SLC37A1: variants seen among roughly 807,000 people sequenced by gnomAD.
The protein encoded by SLC37A1 is glucose-6-phosphate exchanger SLC37A1.
Under a neutral mutation model 75.3 loss-of-function variants are expected in SLC37A1, and 49 were observed. The observed-to-expected ratio is 0.65, with a 90% CI of 0.52 to 0.83. The LOEUF is 0.83. SLC37A1 is among the 40% of genes least tolerant of loss of function. SLC37A1 has a pLI of 0.00. For missense variants in SLC37A1, 566 were observed against 695.0 expected (o/e 0.81, Z 2.09); for synonymous variants, 268 against 292.1 (o/e 0.92, Z 0.84).
At chr21:42,578,347 T>C (rs992510979) in intron 18 of SLC37A1, among the ~76,000 whole-genome samples, 6 of 152,256 alleles carry the variant, frequency 3.9e-5, no homozygotes, top group Non-Finnish European at 7.3e-5. Flanking sequence ...GTTTTGAAAT[T>C]GGATCTCTGT....
intron 2 of SLC37A1, among the ~76,000 whole-genome samples, chr21:42,520,084 T>C (rs941910086): frequency 2.0e-5 from 3 of 152,174 alleles, no homozygotes; most frequent in African/African-American, 7.2e-5. Context: ...CTTCCGTGTG[T>C]ATTTCCTATG....
At chr21:42,570,521 C>T (rs552057048) in intron 17 of SLC37A1, among the ~76,000 whole-genome samples, 6 of 152,152 alleles carry the variant, frequency 3.9e-5, no homozygotes, top group Non-Finnish European at 5.9e-5. Context: ...CGGGGGACTG[C>T]GGGGCTGAGC....
chr21:42,573,619 AC>A (rs1177128885), intron 17 of SLC37A1, among the ~76,000 whole-genome samples: 1 of 152,078 alleles, frequency 6.6e-6, no homozygotes, highest in Non-Finnish European at 1.5e-5. Flanking sequence ...AAAAAAAAAA[AC>A]ATACAATTGC....
upstream of SLC37A1, among the ~76,000 whole-genome samples, chr21:42,509,087 A>C (rs2054411007): frequency 6.6e-6 from 1 of 152,210 alleles, no homozygotes; most frequent in South Asian, 2.1e-4. The surrounding 1 kb of genome is among the most constrained non-coding windows in gnomAD (Gnocchi z 4.2). Context: ...AATGATACTA[A>C]AGGTATATAA....
At chr21:42,550,965 G>A (rs1243458651) in intron 9 of SLC37A1, among the ~76,000 whole-genome samples, 2 of 152,234 alleles carry the variant, frequency 1.3e-5, no homozygotes, top group African/African-American at 2.4e-5. Flanking sequence ...ACCTCACAGT[G>A]TGCTTAATGG....
At chr21:42,554,449 G>A (rs61545771) in intron 10 of SLC37A1, among the ~76,000 whole-genome samples, 6,925 of 152,214 alleles carry the variant, frequency 0.045, 522 homozygotes, top group African/African-American at 0.16. Flanking sequence ...TCCCCCAAGC[G>A]GTGCCAAGCG....
rs2055586561 is a variant in SLC37A1, at chr21:42,552,683, G to T, written c.769-1379G>T. Among the ~76,000 whole-genome samples, 1 of 152,196 alleles carries T rather than the reference G, an allele frequency of 6.6e-6. No individual in the cohort carries two copies. Among genetic ancestry groups the T allele is most frequent in the Non-Finnish European group, 1.5e-5 (1 of 68,008 alleles). ...TAGGGACAGGCCCCTTCCCTTTCAG[G>T]AGACTTCCTAGCATTTCCTAACATC... On this transcript the variant is annotated intron_variant, in intron 9 of 19. Transcript: ENST00000352133. This position sits in a 1 kb window ranked among gnomAD's most constrained non-coding sequence, Gnocchi z 4.2.
chr21:42,519,229 C>T (rs1256895364), intron 2 of SLC37A1, among the ~76,000 whole-genome samples: 2 of 152,162 alleles, frequency 1.3e-5, no homozygotes, highest in Admixed American at 6.5e-5. Flanking sequence ...AGAAAAGTGT[C>T]CCTCAAAGGG....
chr21:42,509,589 G>A (rs1408218934), upstream of SLC37A1: 1 of 152,186 alleles, frequency 6.6e-6, no homozygotes, highest in Non-Finnish European at 1.5e-5. This position sits in a 1 kb window ranked among gnomAD's most constrained non-coding sequence, Gnocchi z 4.2. Flanking sequence ...GTTCTTCAGT[G>A]TGTGGACTCT....
At chr21:42,511,309 C>T (rs188327323), upstream of SLC37A1, among the ~76,000 whole-genome samples, 153 of 152,164 alleles carry the variant, frequency 1.0e-3, no homozygotes, top group Non-Finnish European at 1.8e-3. Flanking sequence ...AAACAACATA[C>T]CAAAACGTAT....
At chr21:42,530,595 TACACACACACACACACAC>T (rs71190427) in intron 3 of SLC37A1, among the ~76,000 whole-genome samples, 2,744 of 103,168 alleles carry the variant, frequency 0.027, 121 homozygotes, top group African/African-American at 0.082. Context: ...ATGCAGATGA[TACACACACACACACACAC>T]ACACACACAC....
rs1325833036 is a variant in SLC37A1, at chr21:42,514,409, G to A, written c.-487G>A. ...TGAGGGTCCAGAGAGCCGGCAGGAG[G>A]GGACCCTGCGCATTGTCTGCCGCGA... On this transcript the variant is annotated 5_prime_UTR_variant, in exon 1 of 20. Transcript: ENST00000352133. This position sits in a 1 kb window ranked among gnomAD's most constrained non-coding sequence, Gnocchi z 4.8. 1 of 152,178 alleles carries A rather than the reference G, an allele frequency of 6.6e-6. No homozygotes were observed. The highest frequency in any genetic ancestry group is 1.5e-5 in the Non-Finnish European group (1 of 68,066). 9.4% of individuals were successfully genotyped at this position (152,178 alleles called of 1,614,324 possible).
At chr21:42,575,567 CA>C in intron 18 of SLC37A1, 1 of 985,376 alleles carries the variant, frequency 1.0e-6, no homozygotes, top group Non-Finnish European at 1.2e-6. Context: ...GATGATGTCA[CA>C]GTCACATAGA....
At chr21:42,528,572 T>C (rs2054859919) in intron 3 of SLC37A1, among the ~76,000 whole-genome samples, 1 of 152,322 alleles carries the variant, frequency 6.6e-6, no homozygotes, top group Admixed American at 6.5e-5. Flanking sequence ...ACGCCTGTAA[T>C]CCCAGCACTT....
intron 3 of SLC37A1, among the ~76,000 whole-genome samples, chr21:42,531,571 C>T (rs539535730): frequency 3.3e-5 from 5 of 152,260 alleles, no homozygotes; most frequent in African/African-American, 1.2e-4. Flanking sequence ...TGAAAGCAGA[C>T]GTTTCCCAAA....
intron 7 of SLC37A1, 43 bp downstream of exon 7, chr21:42,542,523 G>A (rs903120008): frequency 2.8e-5 from 45 of 1,593,152 alleles, no homozygotes; most frequent in Non-Finnish European, 3.8e-5. Flanking sequence ...ATGAAAACTA[G>A]ACCATTTTAC....
intron 1 of SLC37A1, among the ~76,000 whole-genome samples, chr21:42,501,439 G>A (rs1419968828): frequency 6.6e-6 from 1 of 152,302 alleles, no homozygotes; most frequent in South Asian, 2.1e-4. Context: ...GGCCGGGAGC[G>A]GTGGCTCACG....
At chr21:42,555,898 C>T (rs1239534324) in intron 10 of SLC37A1, among the ~76,000 whole-genome samples, 1 of 152,230 alleles carries the variant, frequency 6.6e-6, no homozygotes, top group Non-Finnish European at 1.5e-5. Flanking sequence ...CATCCCCTTT[C>T]GGCGGGCCTG....
chr21:42,571,855 C>T (rs148516842), intron 17 of SLC37A1, among the ~76,000 whole-genome samples: 40 of 152,294 alleles, frequency 2.6e-4, no homozygotes, highest in African/African-American at 9.1e-4. Context: ...TTCCCTGCAC[C>T]GTGGTCGCCA....
Sources: allele counts gnomAD v4.1 joint callset (sites outside exome capture counted in the v4.1 genomes callset), GRCh38; gene constraint gnomAD v4.1.1; non-coding constraint Gnocchi (gnomAD v3.1); transcripts MANE v1.5; gene names NCBI Gene and HGNC (gene_info 2026-07-23, HGNC 2026-07-21).